The following STEAP1 variants were observed in gnomAD, a reference collection of about 807,000 sequenced individuals.
STEAP1 encodes STEAP1 protein.
STEAP1 carries 30 observed loss-of-function variants against 34.4 expected under a neutral mutation model. That is an observed-to-expected ratio of 0.87 (90% CI 0.65 to 1.18). The LOEUF (loss-of-function observed/expected upper bound fraction) is 1.18. Among genes scored for constraint, STEAP1 ranks in the 50% most tolerant of loss-of-function variants. The probability of loss-of-function intolerance (pLI) is 0.00; values close to 1 mark genes in which losing one functional copy is unlikely to be tolerated. For synonymous variants in STEAP1, 116 were observed against 135.3 expected (o/e 0.86, Z 0.99); for missense variants, 318 against 391.1 (o/e 0.81, Z 1.58).
At chr7:90,156,984 C>T (rs1431573858) in intron 1 of STEAP1, among the ~76,000 whole-genome samples, 1 of 152,148 alleles carries the variant, frequency 6.6e-6, no homozygotes, top group Non-Finnish European at 1.5e-5. Context: ...GTTAAGTCAC[C>T]AAATGACTTG....
Position 90,164,795 on chromosome 7 carries a change from T to C in STEAP1, c.*61T>C. On this transcript the variant is annotated 3_prime_UTR_variant, in exon 5 of 5. Coordinates refer to ENST00000297205, the MANE Select transcript of STEAP1 (RefSeq NM_012449.3). ...TATATTTTATCACCAACATTTCAAG[T>C]TTGTATTTGTTAATAAAATGATTAT... is the stretch of plus-strand genomic sequence containing the variant. 1 of 1,424,674 alleles carries C rather than the reference T, an allele frequency of 7.0e-7. No individual in the cohort carries two copies. The highest frequency in any genetic ancestry group is 1.4e-5 in the African/African-American group (1 of 69,784). The allele number at this position is 1,424,674 out of a possible 1,614,324, so 88.3% of individuals were successfully genotyped here.
In STEAP1 at chr7:90,164,453, A is replaced by C. The variant is rs559698012; in HGVS notation, c.763-24A>C. 449 of 1,584,492 alleles carry C rather than the reference A, an allele frequency of 2.8e-4. 4 individuals carry two copies. In the South Asian group the frequency reaches 5.0e-3, roughly 18 times the overall value. Reference sequence around the variant, plus strand: ...ATAAACTCTTATTGAACCAATCTTCACCAATTTTGTTTTTCTTTTGCAGAG... The same window carrying C: ...ATAAACTCTTATTGAACCAATCTTCCCCAATTTTGTTTTTCTTTTGCAGAG... On this transcript the variant is annotated intron_variant, in intron 4 of 4. Transcript: ENST00000297205.
chr7:90,164,419 T>C, intron 4 of STEAP1, 58 bp from the exon 5 acceptor site: 1 of 1,528,210 alleles, frequency 6.5e-7, no homozygotes, highest in Non-Finnish European at 8.8e-7. Flanking sequence ...CCAGATGAGG[T>C]AGGATGGGAT....
chr7:90,161,645 A>G (rs1012236221), intron 3 of STEAP1, among the ~76,000 whole-genome samples: 1 of 152,118 alleles, frequency 6.6e-6, no homozygotes, highest in Non-Finnish European at 1.5e-5. Flanking sequence ...ACCAATATGC[A>G]TGCACATTAC....
intron 4 of STEAP1, 34 bp downstream of exon 4, chr7:90,162,112 A>G (rs1794194314): frequency 3.9e-6 from 6 of 1,553,760 alleles, no homozygotes; most frequent in Admixed American, 2.1e-5. Context: ...TAAGAGGTAA[A>G]TCTTCTTTTT....
chr7:90,160,263 C>A (rs1794166321), intron 2 of STEAP1, among the ~76,000 whole-genome samples: 1 of 151,528 alleles, frequency 6.6e-6, no homozygotes, highest in Non-Finnish European at 1.5e-5. Context: ...GCATTTTTGT[C>A]ATAGACACAG....
chr7:90,161,119 T>G lies in STEAP1; in HGVS notation c.399T>G (p.Gly133=), dbSNP rs1341302088. The G allele has an allele frequency of 6.2e-7, 1 of 1,613,816 alleles. No homozygotes were observed. The highest frequency in any genetic ancestry group is 8.5e-7 in the Non-Finnish European group (1 of 1,179,820). ...ITLLALVYLP[G]VIAAIVQLHN... ...TCTTGGCATTGGTTTACCTGCCAGG[T>G]GTGATAGCAGCAATTGTCCAACTTC... The change falls in exon 3 of 5, where the codon GGT becomes GGG. Residue 133 remains glycine, a synonymous_variant. Coordinates refer to ENST00000297205, the MANE Select transcript of STEAP1 (RefSeq NM_012449.3).
At chr7:90,159,996 T>C (rs1352956583) in intron 2 of STEAP1, 124 bp downstream of exon 2, 3 of 577,786 alleles carry the variant, frequency 5.2e-6, no homozygotes, top group Non-Finnish European at 7.9e-6. Flanking sequence ...ATATCTGGAC[T>C]TGGATTACCG....
intron 4 of STEAP1, chr7:90,162,829 T>A: frequency 9.7e-6 from 2 of 205,480 alleles, no homozygotes; most frequent in Admixed American, 9.4e-5. Flanking sequence ...ATAGAGTTTT[T>A]ATCTACCAAA....
At chr7:90,160,227 C>A (rs1055459224) in intron 2 of STEAP1, among the ~76,000 whole-genome samples, 1 of 151,984 alleles carries the variant, frequency 6.6e-6, no homozygotes, top group Admixed American at 6.6e-5. Context: ...TCATCAATGC[C>A]CATATAACAG....
At chr7:90,156,006 T>C (rs995132538) in intron 1 of STEAP1, among the ~76,000 whole-genome samples, 11 of 152,212 alleles carry the variant, frequency 7.2e-5, no homozygotes, top group Admixed American at 2.0e-4. Flanking sequence ...GCAGTTGAAA[T>C]GCCTGCCTTC....
At chr7:90,157,037 G>A (rs772635349) in intron 1 of STEAP1, among the ~76,000 whole-genome samples, 10 of 152,166 alleles carry the variant, frequency 6.6e-5, no homozygotes, top group Non-Finnish European at 1.2e-4. Context: ...TTCCTCCAGA[G>A]CAGGCATGAG....
At chr7:90,162,846 C>A in intron 4 of STEAP1, 1 of 216,806 alleles carries the variant, frequency 4.6e-6, no homozygotes, top group African/African-American at 2.2e-5. Context: ...CAAAGATATT[C>A]TAGTGTCTCA....
chr7:90,162,295 C>CT, intron 4 of STEAP1: 8 of 665,822 alleles, frequency 1.2e-5, no homozygotes, highest in South Asian at 1.0e-4. Flanking sequence ...TTAAAATATT[C>CT]TTTGTTTTTT....
chr7:90,158,958 T>G (rs1268668322), intron 1 of STEAP1, among the ~76,000 whole-genome samples: 1 of 152,208 alleles, frequency 6.6e-6, no homozygotes, highest in African/African-American at 2.4e-5. Context: ...ATCTAATCTG[T>G]TTTTCTCATT....
intron 1 of STEAP1, among the ~76,000 whole-genome samples, chr7:90,158,346 ACT>A (rs1413078286): frequency 6.6e-6 from 1 of 151,980 alleles, no homozygotes; most frequent in Non-Finnish European, 1.5e-5. Flanking sequence ...TATTGTTTTT[ACT>A]CTTTTGTAAT....
intron 1 of STEAP1, among the ~76,000 whole-genome samples, chr7:90,158,918 G>A (rs180827945): frequency 6.6e-6 from 1 of 151,954 alleles, no homozygotes; most frequent in Non-Finnish European, 1.5e-5. Flanking sequence ...GAAACACTTG[G>A]GATATTTTCT....
At chr7:90,154,803 T>G (rs977852431) in intron 1 of STEAP1, among the ~76,000 whole-genome samples, 1 of 152,232 alleles carries the variant, frequency 6.6e-6, no homozygotes, top group African/African-American at 2.4e-5. Flanking sequence ...CAGGAAGCCT[T>G]TTCGCTAGGG....
At chr7:90,155,528 G>A (rs1794107337) in intron 1 of STEAP1, among the ~76,000 whole-genome samples, 1 of 152,064 alleles carries the variant, frequency 6.6e-6, no homozygotes, top group African/African-American at 2.4e-5. Flanking sequence ...GAGAACTTTG[G>A]GTCGAATTCT....
Sources: gnomAD v4.1 joint callset for allele counts (sites outside exome capture counted in the v4.1 genomes callset) on GRCh38, gnomAD v4.1.1 for gene constraint, MANE v1.5 for transcripts, NCBI Gene and HGNC (gene_info 2026-07-23, HGNC 2026-07-21) for gene names.